The following OTOGL variants were observed in gnomAD, a reference collection of about 807,000 sequenced individuals.
OTOGL encodes otogelin-like protein.
OTOGL carries 285 observed loss-of-function variants against 318.5 expected under a neutral mutation model. The ratio of observed to expected loss-of-function variants is 0.89; its 90% CI spans 0.81 to 0.99. The LOEUF (loss-of-function observed/expected upper bound fraction) is 0.99. Ranked by LOEUF, OTOGL falls within the 50% of genes least tolerant of loss-of-function variation. The pLI is 0.00. For synonymous variants in OTOGL, 987 were observed against 936.5 expected (o/e 1.05, Z -0.99); for missense variants, 2,899 against 2,845.6 (o/e 1.02, Z -0.43).
intron 1 of OTOGL, among the ~76,000 whole-genome samples, chr12:80,183,241 G>C (rs1022226045): frequency 6.6e-6 from 1 of 152,162 alleles, no homozygotes; most frequent in African/African-American, 2.4e-5. Context: ...TACTGAGGTA[G>C]TATGTTCTCT....
At chr12:80,300,825 G>A (rs1885710110) in intron 27 of OTOGL, among the ~76,000 whole-genome samples, 1 of 152,160 alleles carries the variant, frequency 6.6e-6, no homozygotes, top group African/African-American at 2.4e-5. Context: ...ATGGGTAAAA[G>A]CTTAGTTAAA....
At position 80,320,663 on chromosome 12, in the gene OTOGL, TG is replaced by T; in HGVS notation, c.4045del (p.Glu1349LysfsTer11). On this transcript the variant is annotated frameshift_variant, in exon 34 of 59. Coordinates refer to ENST00000547103, the MANE Select transcript of OTOGL (RefSeq NM_001378609.3). LOFTEE classifies it high-confidence loss of function. ...SVKASKYDDS[E>X]EFKHSSSFSI... ...TCAAAGCATCAAAATATGATGATTC[TG>T]AAGAATTTAAACATTCAAGTAGCTT... 6.2e-7 allele frequency: 1 copy of T among 1,607,650 alleles called. No homozygotes were observed.
At chr12:80,190,872 T>G (rs976059233) in intron 1 of OTOGL, among the ~76,000 whole-genome samples, 1 of 149,456 alleles carries the variant, frequency 6.7e-6, no homozygotes, top group Non-Finnish European at 1.5e-5. Flanking sequence ...TTTTTAAAAA[T>G]AGTTCTTCCT....
chr12:80,103,950 G>A (rs1411380264), intron 1 of OTOGL, among the ~76,000 whole-genome samples: 1 of 152,076 alleles, frequency 6.6e-6, no homozygotes, highest in South Asian at 2.1e-4. Flanking sequence ...GTGGCCAGGG[G>A]TCAAAATATA....
intron 46 of OTOGL, among the ~76,000 whole-genome samples, chr12:80,355,108 TAAAATGTGTCAAA>T (rs1193234510): frequency 7.2e-5 from 11 of 152,036 alleles, no homozygotes; most frequent in Non-Finnish European, 2.9e-5. Flanking sequence ...TAACAGGACT[TAAAATGTGTCAAA>T]AATAATAGAT....
intron 52 of OTOGL, among the ~76,000 whole-genome samples, chr12:80,363,965 C>A (rs1890383285): frequency 6.6e-6 from 1 of 151,942 alleles, no homozygotes; most frequent in African/African-American, 2.4e-5. Context: ...TCTCTACTTT[C>A]TCTTTTCTTG....
Position 80,106,358 on chromosome 12 carries a change from C to A in OTOGL, c.-20+6753C>A, listed in dbSNP as rs144776874. Among the ~76,000 whole-genome samples the A allele has an allele frequency of 9.4e-3, 1,433 of 152,266 alleles. 4 individuals carry two copies. Among genetic ancestry groups the A allele is most frequent in the Non-Finnish European group, 0.014 (976 of 68,008 alleles). On this transcript the variant is annotated intron_variant, in intron 1 of 58. Transcript: ENST00000547103. ...ACAGACTATGTCCAGGGTCCCAAGTCACTAGACTGGTAATCTGTTTTAGGG... is the reference window on the plus strand; with the variant it reads ...ACAGACTATGTCCAGGGTCCCAAGTAACTAGACTGGTAATCTGTTTTAGGG...
chr12:80,247,915 G>A (rs1342769717), intron 11 of OTOGL, among the ~76,000 whole-genome samples: 4 of 106,634 alleles, frequency 3.8e-5, no homozygotes, highest in Non-Finnish European at 7.2e-5. Context: ...TTACCATTAT[G>A]TAATGGCCTT....
intron 9 of OTOGL, among the ~76,000 whole-genome samples, chr12:80,235,325 C>A (rs150786977): frequency 6.6e-6 from 1 of 151,724 alleles, no homozygotes; most frequent in Non-Finnish European, 1.5e-5. Flanking sequence ...ATTAGCCAGG[C>A]GTGGTGGCAG....
intron 18 of OTOGL, 92 bp downstream of exon 18, chr12:80,258,094 C>A: frequency 8.8e-7 from 1 of 1,137,340 alleles, no homozygotes; most frequent in Non-Finnish European, 1.2e-6. Flanking sequence ...CTAATAATTG[C>A]TTAGCTGTCA....
intron 26 of OTOGL, among the ~76,000 whole-genome samples, chr12:80,285,747 G>C (rs1884569882): frequency 6.6e-6 from 1 of 152,086 alleles, no homozygotes; most frequent in Admixed American, 6.6e-5. Flanking sequence ...TGCTGAAGTT[G>C]CTTATCAGCT....
At chr12:80,175,713 C>T (rs1874483645) in intron 1 of OTOGL, among the ~76,000 whole-genome samples, 1 of 152,066 alleles carries the variant, frequency 6.6e-6, no homozygotes, top group East Asian at 1.9e-4. Context: ...AGGTGTGGTT[C>T]TTGTCTGGGG....
chr12:80,252,320 G>C lies in OTOGL; in HGVS notation c.1285+119G>C, dbSNP rs1045591292. ...TACATTGGACCTATTGCAATTTTCT[G>C]TTCTTGTAGAAGTTGGTCCTTGAAG... On this transcript the variant is annotated intron_variant, in intron 13 of 58. Coordinates refer to ENST00000547103, the MANE Select transcript of OTOGL (RefSeq NM_001378609.3). The C allele has an allele frequency of 6.9e-6, 8 of 1,151,388 alleles. No individual in the cohort carries two copies. The East Asian group carries it at 2.5e-4, about 36-fold the overall frequency. The allele number at this position is 1,151,388 out of a possible 1,614,324, so 71.3% of individuals were successfully genotyped here. A position where few individuals can be genotyped will look rare whatever the true frequency, so the allele number is the denominator to read the frequency against.
chr12:80,308,643 C>G (rs1340256927), intron 29 of OTOGL, among the ~76,000 whole-genome samples: 8 of 152,128 alleles, frequency 5.3e-5, no homozygotes, highest in East Asian at 3.9e-4. Context: ...TGTAGCGAGC[C>G]GAGATCAGGC....
chr12:80,158,440 G>A (rs1873272908), intron 1 of OTOGL, among the ~76,000 whole-genome samples: 1 of 152,026 alleles, frequency 6.6e-6, no homozygotes, highest in Non-Finnish European at 1.5e-5. Flanking sequence ...TGGTCATACA[G>A]ATTTCAGAAA....
rs1433093107 is a variant in OTOGL, at chr12:80,378,125, G to GT, written c.*78dup. The GT allele has an allele frequency of 5.3e-6, 6 of 1,132,432 alleles. No individual in the cohort carries two copies. Among genetic ancestry groups the GT allele is most frequent in the Non-Finnish European group, 7.5e-6 (6 of 798,556 alleles). 70.1% of individuals were successfully genotyped at this position (1,132,432 alleles called of 1,614,324 possible). The stretch of plus-strand genomic sequence containing the variant: ...ACTTTTATTGCTATTACTTAGGCAT[G>GT]TGGCAGATTTATGCTGTTTAACAAT... On this transcript the variant is annotated 3_prime_UTR_variant, in exon 59 of 59. Coordinates refer to ENST00000547103, the MANE Select transcript of OTOGL (RefSeq NM_001378609.3).
chr12:80,296,882 A>G lies in OTOGL; in HGVS notation c.2984A>G (p.Asn995Ser), dbSNP rs1289229992. The G allele has an allele frequency of 2.2e-5, 34 of 1,531,854 alleles. No homozygotes were observed. The highest frequency in any genetic ancestry group is 2.8e-5 in the Non-Finnish European group (32 of 1,140,888). 94.9% of individuals were successfully genotyped at this position (1,531,854 alleles called of 1,614,324 possible). ...GCCCAGAACAAGAAATGCTTTGACAACGATATTGTTTGTTCTAAAAGTGTT... is the reference window on the plus strand; with the variant it reads ...GCCCAGAACAAGAAATGCTTTGACAGCGATATTGTTTGTTCTAAAAGTGTT... ...VIAQNKKCFD[N>S]DIVCSKSVLI... Residue 995 changes from asparagine (N) to serine (S), a missense_variant, in exon 27 of 59, where the codon AAC becomes AGC. By Grantham distance (46) the Asn-to-Ser change is conservative (BLOSUM62 1). This residue lies in a region of OTOGL where 2,607 missense variants were observed against 2,524.9 expected (regional missense o/e 1.03). Coordinates refer to ENST00000547103, the MANE Select transcript of OTOGL (RefSeq NM_001378609.3).
At chr12:80,183,134 G>T (rs576198332) in intron 1 of OTOGL, among the ~76,000 whole-genome samples, 36 of 152,238 alleles carry the variant, frequency 2.4e-4, no homozygotes, top group African/African-American at 8.4e-4. Flanking sequence ...TCAAGTGTAG[G>T]GACTGTGCAG....
chr12:80,178,526 C>A (rs1874697994), intron 1 of OTOGL, among the ~76,000 whole-genome samples: 1 of 152,072 alleles, frequency 6.6e-6, no homozygotes, highest in South Asian at 2.1e-4. Context: ...ACTCTAGATG[C>A]CTTGGCCTTC....
Sources: gnomAD v4.1 joint callset for allele counts (sites outside exome capture counted in the v4.1 genomes callset) on GRCh38, gnomAD v4.1.1 for gene constraint, gnomAD v4.1.1 regional missense constraint, MANE v1.5 for transcripts, NCBI Gene and HGNC (gene_info 2026-07-23, HGNC 2026-07-21) for gene names.